Variants in PDE4D observed in about 807,000 individuals in gnomAD.
PDE4D encodes the protein phosphodiesterase 4D, also known as 3',5'-cyclic-AMP phosphodiesterase 4D.
PDE4D carries 24 observed loss-of-function variants against 87.4 expected under a neutral mutation model. That is an observed-to-expected ratio of 0.27 (90% CI 0.20 to 0.39). The LOEUF (loss-of-function observed/expected upper bound fraction) is 0.39, where lower values mean the gene tolerates loss of function less well. Ranked by LOEUF, PDE4D falls within the 10% of genes least tolerant of loss-of-function variation. The probability of loss-of-function intolerance (pLI) is 1.00; values close to 1 mark genes in which losing one functional copy is unlikely to be tolerated. For missense variants in PDE4D, 714 were observed against 1,041.0 expected, an observed-to-expected ratio of 0.69 and a Z score of 4.32; for synonymous variants, 384 against 383.2, an observed-to-expected ratio of 1.00 and a Z score of -0.02.
chr5:59,227,706 T>C (rs535723601), intron 1 of PDE4D, among the ~76,000 whole-genome samples: 53 of 152,268 alleles, frequency 3.5e-4, no homozygotes, highest in Admixed American at 8.5e-4. Flanking sequence ...TACCATTTCA[T>C]ACCAGTCAGA....
At chr5:59,346,416 A>G (rs1335566742) in intron 1 of PDE4D, among the ~76,000 whole-genome samples, 1 of 152,166 alleles carries the variant, frequency 6.6e-6, no homozygotes, top group Non-Finnish European at 1.5e-5. Context: ...CAACATGAGG[A>G]AGGCAAGACT....
At chr5:60,192,415 T>G (rs1785267803) in intron 1 of PDE4D, among the ~76,000 whole-genome samples, 1 of 152,174 alleles carries the variant, frequency 6.6e-6, no homozygotes, top group Non-Finnish European at 1.5e-5. Context: ...TATACACTTT[T>G]ATATCATAAT....
chr5:59,351,220 G>C (rs1484280727), intron 1 of PDE4D, among the ~76,000 whole-genome samples: 1 of 152,136 alleles, frequency 6.6e-6, no homozygotes, highest in Non-Finnish European at 1.5e-5. Flanking sequence ...AGAGAGGTTA[G>C]GAAACCTGCC....
intron 1 of PDE4D, among the ~76,000 whole-genome samples, chr5:59,473,660 T>C (rs367984658): frequency 2.5e-4 from 38 of 152,162 alleles, no homozygotes; most frequent in African/African-American, 9.2e-4. Context: ...CCAGATGTTA[T>C]TATTCCTGAC....
intron 6 of PDE4D, among the ~76,000 whole-genome samples, chr5:59,015,084 A>C (rs1020780484): frequency 1.3e-5 from 2 of 152,218 alleles, no homozygotes; most frequent in African/African-American, 4.8e-5. Context: ...AGAAAGCTGA[A>C]ACTGGATCCC....
At chr5:59,978,949 A>C (rs1192458434) in intron 3 of PDE4D, among the ~76,000 whole-genome samples, 1 of 152,108 alleles carries the variant, frequency 6.6e-6, no homozygotes, top group African/African-American at 2.4e-5. Flanking sequence ...TTCTTACTTA[A>C]GGCATGTACA....
chr5:59,443,853 A>G (rs1797982605), intron 1 of PDE4D, among the ~76,000 whole-genome samples: 1 of 151,836 alleles, frequency 6.6e-6, no homozygotes, highest in Non-Finnish European at 1.5e-5. Context: ...GGATACAATG[A>G]TGATAGAAAA....
chr5:59,373,012 GA>G (rs35836561), intron 1 of PDE4D, among the ~76,000 whole-genome samples: 101 of 147,924 alleles, frequency 6.8e-4, no homozygotes, highest in African/African-American at 2.1e-3. Context: ...AGGATAAAAG[GA>G]AAAAAAAAAC....
chr5:59,818,155 G>A (rs569619297), intron 1 of PDE4D, among the ~76,000 whole-genome samples: 1 of 152,124 alleles, frequency 6.6e-6, no homozygotes, highest in Non-Finnish European at 1.5e-5. Flanking sequence ...AGAAGCAAAT[G>A]GGATTGCTGT....
At chr5:60,465,563 G>A (rs531269362) in intron 1 of PDE4D, among the ~76,000 whole-genome samples, 9 of 152,018 alleles carry the variant, frequency 5.9e-5, no homozygotes, top group Admixed American at 2.0e-4. Context: ...TTGTATGCTC[G>A]TCAAGCTTTT....
At chr5:59,142,455 T>C (rs574021570) in intron 5 of PDE4D, among the ~76,000 whole-genome samples, 2 of 152,370 alleles carry the variant, frequency 1.3e-5, no homozygotes, top group South Asian at 4.1e-4. Flanking sequence ...AAACTTTAGA[T>C]TGTAACCTTC....
chr5:59,230,860 G>T (rs1755018313), intron 1 of PDE4D, among the ~76,000 whole-genome samples: 1 of 152,144 alleles, frequency 6.6e-6, no homozygotes, highest in East Asian at 1.9e-4. Flanking sequence ...GGCTTCAGAG[G>T]GTTGTGTGGC....
rs1048932108 is a variant in PDE4D, at chr5:59,379,387, T to C, written c.456-163419A>G. Among the ~76,000 whole-genome samples the C allele has an allele frequency of 5.3e-5, 8 of 152,210 alleles. No homozygotes were observed. In the East Asian group the frequency reaches 1.5e-3, roughly 29 times the overall value. On this transcript the variant is annotated intron_variant, in intron 1 of 14. Coordinates refer to ENST00000340635, the MANE Select transcript of PDE4D (RefSeq NM_001104631.2). ...CCATATGAATGATGAATATTCATGA[T>C]AGAAATTTGGAAAATTCAGAAAATT...
At chr5:60,021,977 T>C (rs1191063886) in intron 2 of PDE4D, 4 of 152,236 alleles carry the variant, frequency 2.6e-5, no homozygotes, top group Non-Finnish European at 4.4e-5. Flanking sequence ...TCTCCCAAAG[T>C]GCAAGGATTG....
rs149050295 is a variant in PDE4D, at chr5:59,932,452, A to C, written c.272+56036T>G. Among the ~76,000 whole-genome samples, 55 of 152,320 alleles carry C rather than the reference A, an allele frequency of 3.6e-4. 2 individuals are homozygous for C. The highest frequency in any genetic ancestry group is 1.3e-3 in the African/African-American group (54 of 41,570). On this transcript the variant is annotated intron_variant, in intron 3 of 16. Transcript: ENST00000502484. The stretch of plus-strand genomic sequence containing the variant: ...ACATTTAATCCTAATAAAAATCATA[A>C]AGTAGCTACTATTAGTAAGTTCATT...
intron 3 of PDE4D, among the ~76,000 whole-genome samples, chr5:59,910,091 C>T (rs1753285028): frequency 6.6e-6 from 1 of 152,080 alleles, no homozygotes. Flanking sequence ...TCGATCTTTC[C>T]TTTTTGGGAG....
intron 5 of PDE4D, among the ~76,000 whole-genome samples, chr5:59,041,978 C>CA (rs1215118452): frequency 8.5e-5 from 13 of 152,138 alleles, no homozygotes; most frequent in African/African-American, 2.4e-4. Context: ...CCAAGCCATG[C>CA]ACCAGCCACT....
intron 1 of PDE4D, among the ~76,000 whole-genome samples, chr5:60,225,791 A>C (rs1254090369): frequency 6.6e-6 from 1 of 152,118 alleles, no homozygotes. Flanking sequence ...TAGAATAAAA[A>C]TCTTATGAGA....
chr5:59,320,162 G>A (rs1231890018), intron 1 of PDE4D, among the ~76,000 whole-genome samples: 3 of 152,046 alleles, frequency 2.0e-5, no homozygotes, highest in Non-Finnish European at 4.4e-5. Flanking sequence ...AAAAGTGTGT[G>A]TGTGTGCACG....
Sources: gnomAD v4.1 joint callset for allele counts (sites outside exome capture counted in the v4.1 genomes callset) on GRCh38, gnomAD v4.1.1 for gene constraint, MANE v1.5 for transcripts, NCBI Gene and HGNC (gene_info 2026-07-23, HGNC 2026-07-21) for gene names.